Variants in HK1 observed in about 807,000 individuals in gnomAD.
HK1 encodes hexokinase 1, also known as hexokinase-1.
In HK1, 28 loss-of-function variants were observed where a neutral mutation model predicts 91.6. The observed-to-expected ratio is 0.31, with a 90% CI of 0.23 to 0.42. HK1 has a LOEUF of 0.42. Among genes scored for constraint, HK1 ranks in the 10% least tolerant of loss-of-function variants. The pLI is 1.00. For missense variants in HK1, 770 were observed against 1,219.8 expected, an observed-to-expected ratio of 0.63 and a Z score of 5.49; for synonymous variants, 430 against 468.1, an observed-to-expected ratio of 0.92 and a Z score of 1.05.
chr10:69,370,525 T>C (rs1053044619), intron 7 of HK1, among the ~76,000 whole-genome samples: 3 of 152,230 alleles, frequency 2.0e-5, no homozygotes, highest in Non-Finnish European at 4.4e-5. Context: ...CTAAGGGAGA[T>C]GAGTGTCCAT....
In HK1 at chr10:69,308,136, G is replaced by A. The variant is rs548708717; in HGVS notation, c.27+7275G>A. On this transcript the variant is annotated intron_variant, in intron 5 of 21. Coordinates refer to the HK1 transcript ENST00000360289. ...TTACAGGTGTGAGCCACCACGCCCC[G>A]CCTAAAATATATTTTCTTTTAGGAA... Among the ~76,000 whole-genome samples the A allele has an allele frequency of 5.9e-5, 9 of 152,190 alleles. No homozygotes were observed. In the South Asian group the frequency reaches 1.5e-3, roughly 25 times the overall value.
At chr10:69,399,854 A>C (rs547396231) in intron 17 of HK1, among the ~76,000 whole-genome samples, 288 of 152,284 alleles carry the variant, frequency 1.9e-3, no homozygotes, top group Non-Finnish European at 3.4e-3. Context: ...AAATGAGGCC[A>C]TAGTGTCACC....
chr10:69,348,269 A>G (rs1477362104), intron 2 of HK1, among the ~76,000 whole-genome samples: 9 of 152,196 alleles, frequency 5.9e-5, no homozygotes, highest in Admixed American at 5.2e-4. Context: ...AGAGCCATTT[A>G]CAGTGTAGTC....
intron 2 of HK1, among the ~76,000 whole-genome samples, chr10:69,346,575 T>A (rs1048708156): frequency 6.6e-6 from 1 of 152,134 alleles, no homozygotes; most frequent in Admixed American, 6.5e-5. Context: ...TTTTGCCATG[T>A]TGCCCAGACT....
chr10:69,385,588 G>T (rs1034268001), intron 12 of HK1, among the ~76,000 whole-genome samples: 3 of 152,226 alleles, frequency 2.0e-5, no homozygotes, highest in African/African-American at 7.2e-5. Flanking sequence ...AGAGCTGTAG[G>T]TAGCTCTGGG....
At chr10:69,350,037 G>T (rs552856296) in intron 2 of HK1, among the ~76,000 whole-genome samples, 1 of 152,218 alleles carries the variant, frequency 6.6e-6, no homozygotes, top group South Asian at 2.1e-4. Flanking sequence ...TGGCAGGGAC[G>T]GCCCCTGCAG....
At chr10:69,351,614 T>C (rs1205709339) in intron 2 of HK1, among the ~76,000 whole-genome samples, 2 of 152,208 alleles carry the variant, frequency 1.3e-5, no homozygotes, top group South Asian at 2.1e-4. Flanking sequence ...ATTCCTGATG[T>C]GCTGAAGTCT....
In HK1 at chr10:69,318,878, C is replaced by T. The variant is rs1313093397; in HGVS notation, c.-70C>T. On this transcript the variant is annotated 5_prime_UTR_variant, in exon 1 of 18. Transcript: ENST00000359426. ...GAGCCGCCGAGCAGCCGCCGGAGGA[C>T]CACGGCTCGCCAGGGCTGCGGAGGA... is the stretch of plus-strand genomic sequence containing the variant. 1.2e-5 allele frequency: 18 copies of T among 1,519,028 alleles called. No individual in the cohort carries two copies. The highest frequency in any genetic ancestry group is 1.6e-5 in the Non-Finnish European group (18 of 1,133,360). The allele number at this position is 1,519,028 out of a possible 1,614,324, so 94.1% of individuals were successfully genotyped here.
At chr10:69,319,321 G>C in intron 1 of HK1, 1 of 520,466 alleles carries the variant, frequency 1.9e-6, no homozygotes, top group South Asian at 2.1e-5. Context: ...GTGGCCGGTG[G>C]GCCCTTCCGC....
chr10:69,389,058 C>A (rs953429924), intron 13 of HK1, 139 bp from the exon 14 acceptor site: 14 of 712,296 alleles, frequency 2.0e-5, no homozygotes, highest in Non-Finnish European at 3.4e-5. Flanking sequence ...ACATTCATTA[C>A]CTTTTTGTAG....
At chr10:69,366,161 A>G (rs1849691053) in intron 4 of HK1, among the ~76,000 whole-genome samples, 1 of 152,160 alleles carries the variant, frequency 6.6e-6, no homozygotes, top group African/African-American at 2.4e-5. Flanking sequence ...CTTCACAGGT[A>G]TTGCACATAA....
At position 69,379,996 on chromosome 10, in the gene HK1, C is replaced by T. The variant is rs748109402; in HGVS notation, c.1166C>T (p.Thr389Ile). Reference sequence around the variant, plus strand: ...CGCTCAGCCAACTTGGTGGCTGCCACACTGGGCGCCATCTTGAACCGCCTG... The same window carrying T: ...CGCTCAGCCAACTTGGTGGCTGCCATACTGGGCGCCATCTTGAACCGCCTG... ...SFRSANLVAA[T>I]LGAILNRLRD... The change falls in exon 9 of 18, where the codon ACA becomes ATA. Residue 389 changes from threonine (T) to isoleucine (I), a missense_variant. By Grantham distance (89) the Thr-to-Ile change is moderately conservative (BLOSUM62 -1). Transcript: ENST00000359426. 6.2e-7 allele frequency: 1 copy of T among 1,614,168 alleles called. No individual in the cohort carries two copies. The highest frequency in any genetic ancestry group is 1.1e-5 in the South Asian group (1 of 91,082).
At position 69,293,992 on chromosome 10, in the gene HK1, G is replaced by A. The variant is rs567451523; in HGVS notation, c.-114-1641G>A. Among the ~76,000 whole-genome samples, 95 of 151,372 alleles carry A rather than the reference G, an allele frequency of 6.3e-4. 1 individual carries two copies. The highest frequency in any genetic ancestry group is 1.2e-3 in the East Asian group (6 of 5,138). On this transcript the variant is annotated intron_variant, in intron 3 of 21. Coordinates refer to the HK1 transcript ENST00000360289. The stretch of plus-strand genomic sequence containing the variant: ...TTCTCCTGCCTCAGCCTCCCGAGTA[G>A]CTGGGACTACAGGCGCCCACCACCA...
rs1182939903 is a variant in HK1, at chr10:69,318,873, G to A, written c.-75G>A. On this transcript the variant is annotated 5_prime_UTR_variant, in exon 1 of 18. Transcript: ENST00000359426. ...AGGAGGAGCCGCCGAGCAGCCGCCG[G>A]AGGACCACGGCTCGCCAGGGCTGCG... 2 of 1,516,386 alleles carry A rather than the reference G, an allele frequency of 1.3e-6. No individual in the cohort carries two copies. Among genetic ancestry groups the A allele is most frequent in the South Asian group, 1.2e-5 (1 of 80,804 alleles). The allele number at this position is 1,516,386 out of a possible 1,614,324, so 93.9% of individuals were successfully genotyped here.
At chr10:69,337,830 C>G (rs1004047768) in intron 1 of HK1, among the ~76,000 whole-genome samples, 2 of 152,262 alleles carry the variant, frequency 1.3e-5, no homozygotes, top group East Asian at 3.9e-4. Context: ...GGCTGTGCAC[C>G]CTTCCACGGG....
Position 69,384,880 on chromosome 10 carries a change from T to C in HK1, c.1804T>C (p.Phe602Leu). 6.2e-7 allele frequency: 1 copy of C among 1,614,224 alleles called. No individual in the cohort carries two copies. The highest frequency in any genetic ancestry group is 1.1e-5 in the South Asian group (1 of 91,084). ...KGPRMPLGFT[F>L]SFPCQQTSLD... is the part of the protein sequence containing the mutation. ...CCCCAGGATGCCTCTGGGCTTCACG[T>C]TCTCATTTCCCTGCCAGCAGACGAG... Residue 602 changes from phenylalanine (F) to leucine (L), a missense_variant, in exon 12 of 18, where the codon TTC (phenylalanine) becomes CTC (leucine). Phe to Leu is a conservative substitution (Grantham distance 22, BLOSUM62 0). Coordinates refer to ENST00000359426, the MANE Select transcript of HK1 (RefSeq NM_000188.3).
chr10:69,316,240 C>T (rs1589471203), upstream of HK1, among the ~76,000 whole-genome samples: 1 of 151,690 alleles, frequency 6.6e-6, no homozygotes, highest in Non-Finnish European at 1.5e-5. Context: ...CAGAAGGCCT[C>T]GGAAACCAGG....
intron 1 of HK1, among the ~76,000 whole-genome samples, chr10:69,272,690 G>C (rs564123725): frequency 6.6e-6 from 1 of 150,800 alleles, no homozygotes; most frequent in Non-Finnish European, 1.5e-5. Context: ...TGTTTGTAAG[G>C]GTTTCTCTTT....
chr10:69,307,835 A>G (rs1178542219), intron 5 of HK1, among the ~76,000 whole-genome samples: 1 of 151,980 alleles, frequency 6.6e-6, no homozygotes, highest in Non-Finnish European at 1.5e-5. Flanking sequence ...GTTTTAAAAT[A>G]TATTTTCTTT....
Sources: allele counts gnomAD v4.1 joint callset (sites outside exome capture counted in the v4.1 genomes callset), GRCh38; gene constraint gnomAD v4.1.1; transcripts MANE v1.5; gene names NCBI Gene and HGNC (gene_info 2026-07-23, HGNC 2026-07-21).